SLC12A5: variants seen among roughly 807,000 people sequenced by gnomAD.
The protein encoded by SLC12A5 is solute carrier family 12 member 5, also known as K-Cl cotransporter 2.
A neutral mutation model predicts 124.0 loss-of-function variants in SLC12A5; 18 were observed. The observed-to-expected ratio is 0.15, with a 90% CI of 0.10 to 0.22. SLC12A5 has a LOEUF of 0.22. Among genes scored for constraint, SLC12A5 ranks in the 10% least tolerant of loss-of-function variants. The pLI is 1.00. For missense variants in SLC12A5, 867 were observed against 1,478.7 expected (o/e 0.59, Z 6.78); for synonymous variants, 589 against 568.0 (o/e 1.04, Z -0.53).
chr20:46,041,801 A>G (rs1340561605), intron 8 of SLC12A5, among the ~76,000 whole-genome samples: 1 of 152,368 alleles, frequency 6.6e-6, no homozygotes, highest in Non-Finnish European at 1.5e-5. Flanking sequence ...CATTGTGCTG[A>G]GTGCTAGGAA....
rs1020907804 is a variant in SLC12A5, at chr20:46,056,807, G to T, written c.3111-90G>T. ...GGCTGGCAGAGCAGGACTCAGGGCA[G>T]ATGACCATGGCCCAAGCCCCCAGTG... On this transcript the variant is annotated intron_variant, in intron 23 of 25. Transcript: ENST00000243964. This position sits in a 1 kb window ranked among gnomAD's most constrained non-coding sequence, Gnocchi z 4.3. The T allele has an allele frequency of 1.4e-6, 2 of 1,415,506 alleles. No homozygotes were observed. The highest frequency in any genetic ancestry group is 2.0e-6 in the Non-Finnish European group (2 of 1,003,278). 87.7% of individuals were successfully genotyped at this position (1,415,506 alleles called of 1,614,324 possible). A position where few individuals can be genotyped will look rare whatever the true frequency, so the allele number is the denominator to read the frequency against.
chr20:46,045,240 C>A lies in SLC12A5; in HGVS notation c.1569+100C>A. 7.4e-7 allele frequency: 1 copy of A among 1,344,152 alleles called. No homozygotes were observed. Among genetic ancestry groups the A allele is most frequent in the Non-Finnish European group, 9.9e-7 (1 of 1,006,110 alleles). 83.3% of individuals were successfully genotyped at this position (1,344,152 alleles called of 1,614,324 possible). A position where few individuals can be genotyped will look rare whatever the true frequency, so the allele number is the denominator to read the frequency against. On this transcript the variant is annotated intron_variant, in intron 12 of 25. Coordinates refer to ENST00000243964, the MANE Select transcript of SLC12A5 (RefSeq NM_020708.5). The surrounding 1 kb of genome is among the most constrained non-coding windows in gnomAD (Gnocchi z 4.9). ...CAGGGCCATAACCAGCCTTAGACTA[C>A]CTCCTGGGCCACTTCTGCTCTGTAC...
chr20:46,047,659 G>C, intron 15 of SLC12A5, 86 bp downstream of exon 15: 1 of 1,516,650 alleles, frequency 6.6e-7, no homozygotes, highest in South Asian at 1.2e-5. Context: ...AGGGATTGGG[G>C]TGGTGGGGGT....
exon 2 of SLC12A5, chr20:46,023,014 G>A (rs920951736): frequency 7.7e-5 from 31 of 403,770 alleles, no homozygotes; most frequent in African/African-American, 4.3e-4. Flanking sequence ...AGAGGAGGAG[G>A]AGGAGAAGGA....
rs141171785 is a variant in SLC12A5, at chr20:46,057,230, G to A, written c.3186G>A (p.Lys1062=). 1.2e-6 allele frequency: 2 copies of A among 1,614,096 alleles called. No individual in the cohort carries two copies. Among genetic ancestry groups the A allele is most frequent in the African/African-American group, 2.7e-5 (2 of 74,922 alleles). The change falls in exon 25 of 26, where the codon AAG becomes AAA. Residue 1062 remains lysine (K), a synonymous_variant. Transcript: ENST00000243964. The surrounding 1 kb of genome is among the most constrained non-coding windows in gnomAD (Gnocchi z 7.1). The part of the protein sequence containing the change: ...TAVRLNEVIV[K]KSRDAKLVLL... ...TGCGGCTGAACGAGGTCATCGTGAAGAAATCCCGGGACGCCAAGCTTGTTT... is the reference window on the plus strand; with the variant it reads ...TGCGGCTGAACGAGGTCATCGTGAAAAAATCCCGGGACGCCAAGCTTGTTT...
At chr20:46,042,771 G>T (rs567159585) in intron 8 of SLC12A5, among the ~76,000 whole-genome samples, 2 of 152,056 alleles carry the variant, frequency 1.3e-5, no homozygotes, top group East Asian at 1.9e-4. Flanking sequence ...GCAGTGTAGG[G>T]CAGGGTGTCA....
Position 46,056,426 on chromosome 20 carries a change from A to C in SLC12A5, c.2972A>C (p.Glu991Ala). Reference protein sequence around the residue: ...SCPSSSPSPGEEPEGEGETDP... With the variant: ...SCPSSSPSPGAEPEGEGETDP... ...CCCAGCAGCTCCCCGTCCCCAGGGG[A>C]GGAGCCTGAGGGGGAAGGGGAGACA... The change falls in exon 23 of 26, where the codon GAG becomes GCG. Residue 991 changes from glutamate to alanine, a missense_variant. Glu to Ala is a moderately radical substitution (Grantham distance 107). Transcript: ENST00000243964. The surrounding 1 kb of genome is among the most constrained non-coding windows in gnomAD (Gnocchi z 4.3). The C allele has an allele frequency of 6.2e-7, 1 of 1,613,898 alleles. No homozygotes were observed. The highest frequency in any genetic ancestry group is 1.3e-5 in the African/African-American group (1 of 75,040).
intron 9 of SLC12A5, 24 bp downstream of exon 9, chr20:46,043,347 A>G (rs2084564631): frequency 8.1e-6 from 13 of 1,609,164 alleles, no homozygotes; most frequent in Non-Finnish European, 1.1e-5. Context: ...CAGAGAGGGA[A>G]GACTCTGCCT....
Position 46,058,682 on chromosome 20 carries a change from G to T in SLC12A5, c.*1077G>T, listed in dbSNP as rs1474751151. ...ATCCCATGGCTCCTCGCCAAAGACT[G>T]AAATTGTGGAGCTGGAGGGCGCCCC... On this transcript the variant is annotated 3_prime_UTR_variant, in exon 26 of 26. Transcript: ENST00000243964. The surrounding 1 kb of genome is among the most constrained non-coding windows in gnomAD (Gnocchi z 5.8). The T allele has an allele frequency of 1.3e-5, 5 of 398,960 alleles. No individual in the cohort carries two copies. Among genetic ancestry groups the T allele is most frequent in the Non-Finnish European group, 1.8e-5 (4 of 226,106 alleles). 24.7% of individuals were successfully genotyped at this position (398,960 alleles called of 1,614,324 possible). A position where few individuals can be genotyped will look rare whatever the true frequency, so the allele number is the denominator to read the frequency against.
upstream of SLC12A5, among the ~76,000 whole-genome samples, chr20:46,028,566 G>C (rs2084417746): frequency 6.6e-6 from 1 of 152,172 alleles, no homozygotes; most frequent in Non-Finnish European, 1.5e-5. Flanking sequence ...GATTGGGTCA[G>C]TCAGCCCAGT....
intron 8 of SLC12A5, 25 bp from the exon 9 acceptor site, chr20:46,043,128 C>T: frequency 1.9e-6 from 3 of 1,610,726 alleles, no homozygotes; most frequent in Non-Finnish European, 2.5e-6. Context: ...GCTGGCCTCC[C>T]CCTGAGCATT....
rs990597229 is a variant in SLC12A5, at chr20:46,045,395, T to A, written c.1569+255T>A. Among the ~76,000 whole-genome samples the A allele has an allele frequency of 6.6e-6, 1 of 152,128 alleles. No individual in the cohort carries two copies. Among genetic ancestry groups the A allele is most frequent in the Non-Finnish European group, 1.5e-5 (1 of 68,002 alleles). ...TCCTTCACCCAGATGGAAGGATAAGTGTGTCTTACTTGGGATTTGGCCCAT... is the reference window on the plus strand; with the variant it reads ...TCCTTCACCCAGATGGAAGGATAAGAGTGTCTTACTTGGGATTTGGCCCAT... On this transcript the variant is annotated intron_variant, in intron 12 of 25. Transcript: ENST00000243964. The surrounding 1 kb of genome is among the most constrained non-coding windows in gnomAD (Gnocchi z 4.9).
chr20:46,043,225 C>T lies in SLC12A5; in HGVS notation c.1139C>T (p.Ala380Val). 1 of 1,613,884 alleles carries T rather than the reference C, an allele frequency of 6.2e-7. No individual in the cohort carries two copies. The highest frequency in any genetic ancestry group is 8.5e-7 in the Non-Finnish European group (1 of 1,179,930). Residue 380 changes from alanine to valine, a missense_variant, in exon 9 of 26, where the codon GCC (alanine) becomes GTC (valine). Physicochemically the swap from Ala to Val is moderately conservative, Grantham distance 64. Around this residue, in one of 9 missense-constraint regions of SLC12A5, gnomAD observed 127 missense variants for 164.1 expected, o/e 0.77. Transcript: ENST00000243964. ...ERSGMTSVGL[A>V]DGTPIDMDHP... Reference sequence around the variant, plus strand: ...AGTGGGATGACCTCGGTGGGCCTGGCCGATGGCACTCCTATCGACATGGAC... The same window carrying T: ...AGTGGGATGACCTCGGTGGGCCTGGTCGATGGCACTCCTATCGACATGGAC...
chr20:46,055,820 A>C (rs2084684995), intron 21 of SLC12A5: 1 of 308,296 alleles, frequency 3.2e-6, no homozygotes, highest in Non-Finnish European at 6.1e-6. Context: ...TGGGAGTGTT[A>C]TCCAAGGGAG....
At position 46,057,391 on chromosome 20, in the gene SLC12A5, C is replaced by CAA. The variant is rs2145509417; in HGVS notation, c.3259+88_3259+89insAA. 1 of 1,608,166 alleles carries CAA rather than the reference C, an allele frequency of 6.2e-7. No homozygotes were observed. Among genetic ancestry groups the CAA allele is most frequent in the East Asian group, 2.2e-5 (1 of 44,796 alleles). On this transcript the variant is annotated intron_variant, in intron 25 of 25. Coordinates refer to ENST00000243964, the MANE Select transcript of SLC12A5 (RefSeq NM_020708.5). The surrounding 1 kb of genome is among the most constrained non-coding windows in gnomAD (Gnocchi z 7.1). ...CCTGGGATGGAAGAGCTGAGCTGTT[C>CAA]CTGCCTCCGGATCAGCACCTCGGAC... is the stretch of plus-strand genomic sequence containing the variant.
chr20:46,029,897 C>A (rs2084432421), intron 1 of SLC12A5, among the ~76,000 whole-genome samples: 1 of 117,788 alleles, frequency 8.5e-6, no homozygotes. Flanking sequence ...TGTGCGCGCG[C>A]GTGCGTATGT....
chr20:46,054,850 C>T (rs763170680), intron 20 of SLC12A5, 66 bp from the exon 21 acceptor site: 20 of 1,208,774 alleles, frequency 1.7e-5, no homozygotes, highest in Non-Finnish European at 2.3e-5. Context: ...CACCTGGGCT[C>T]AGACCTCATG....
At chr20:46,026,599 AG>A (rs1384632565), upstream of SLC12A5, among the ~76,000 whole-genome samples, 1 of 152,226 alleles carries the variant, frequency 6.6e-6, no homozygotes, top group Admixed American at 6.5e-5. Flanking sequence ...GGGGCTCCTT[AG>A]GAAGGGATAT....
chr20:46,035,154 AG>A (rs2084486011), intron 2 of SLC12A5, 112 bp downstream of exon 2: 4 of 1,164,522 alleles, frequency 3.4e-6, no homozygotes, highest in Non-Finnish European at 5.0e-6. Flanking sequence ...CCCTCCCTTG[AG>A]TCTACCTTCT....
Sources: allele counts gnomAD v4.1 joint callset (sites outside exome capture counted in the v4.1 genomes callset), GRCh38; gene constraint gnomAD v4.1.1; regional missense constraint gnomAD v4.1.1; non-coding constraint Gnocchi (gnomAD v3.1); transcripts MANE v1.5; gene names NCBI Gene and HGNC (gene_info 2026-07-23, HGNC 2026-07-21).